TMEM132D: variants seen among roughly 807,000 people sequenced by gnomAD.
TMEM132D encodes the protein mature OL transmembrane protein.
A neutral mutation model predicts 62.3 loss-of-function variants in TMEM132D; 21 were observed. That is an observed-to-expected ratio of 0.34 (90% confidence interval 0.24 to 0.49). TMEM132D has a LOEUF of 0.49. Among genes scored for constraint, TMEM132D ranks in the 20% least tolerant of loss-of-function variants. TMEM132D has a pLI of 0.99. For synonymous variants in TMEM132D, 621 were observed against 575.6 expected (o/e 1.08, Z -1.13); for missense variants, 1,346 against 1,402.8 (o/e 0.96, Z 0.65).
chr12:129,484,136 AT>A (rs1220903961), intron 3 of TMEM132D, among the ~76,000 whole-genome samples: 1 of 151,874 alleles, frequency 6.6e-6, no homozygotes, highest in Non-Finnish European at 1.5e-5. Context: ...TACTTGGCTT[AT>A]TTTTGTATTT....
At chr12:129,834,879 G>T (rs987030366) in intron 1 of TMEM132D, among the ~76,000 whole-genome samples, 8 of 152,132 alleles carry the variant, frequency 5.3e-5, no homozygotes, top group Admixed American at 5.2e-4. Context: ...TGAGCTTTTT[G>T]GTATCTGAAC....
At chr12:129,150,467 G>A (rs1281894379) in intron 5 of TMEM132D, among the ~76,000 whole-genome samples, 1 of 152,176 alleles carries the variant, frequency 6.6e-6, no homozygotes, top group Non-Finnish European at 1.5e-5. Context: ...ATGATTTATG[G>A]TTTATTACTT....
At chr12:129,395,932 CTATA>C (rs1417432001) in intron 3 of TMEM132D, among the ~76,000 whole-genome samples, 1 of 143,990 alleles carries the variant, frequency 6.9e-6, no homozygotes, top group African/African-American at 2.6e-5. Context: ...TATACACATA[CTATA>C]TATAATGTAT....
chr12:129,688,356 G>A (rs947205248), intron 2 of TMEM132D, among the ~76,000 whole-genome samples: 4 of 152,132 alleles, frequency 2.6e-5, no homozygotes, highest in Non-Finnish European at 4.4e-5. Flanking sequence ...CTGCACATAA[G>A]AATCACTGCG....
chr12:129,463,108 C>T (rs757479405), intron 3 of TMEM132D, among the ~76,000 whole-genome samples: 3 of 152,188 alleles, frequency 2.0e-5, no homozygotes, highest in African/African-American at 4.8e-5. Context: ...TCAGATTGTT[C>T]TGGAGAAGAG....
chr12:129,170,846 T>G lies in TMEM132D; in HGVS notation c.1443+38674A>C, dbSNP rs187947284. ...TTATTGATAAAAATGCTAATGATAA[T>G]CTAAGCCATTAACAAGTCATAATCT... On this transcript the variant is annotated intron_variant, in intron 5 of 8. Transcript: ENST00000422113. Among the ~76,000 whole-genome samples the G allele has an allele frequency of 8.0e-4, 122 of 151,966 alleles. 2 individuals carry two copies. Among genetic ancestry groups the G allele is most frequent in the East Asian group, 9.7e-4 (5 of 5,174 alleles).
intron 3 of TMEM132D, among the ~76,000 whole-genome samples, chr12:129,394,912 A>G (rs920350074): frequency 1.3e-5 from 2 of 152,214 alleles, no homozygotes; most frequent in African/African-American, 4.8e-5. Context: ...GGCAATAGGT[A>G]CACTCCTCTG....
intron 5 of TMEM132D, among the ~76,000 whole-genome samples, chr12:129,168,814 T>G (rs985061781): frequency 4.6e-5 from 7 of 152,146 alleles, no homozygotes; most frequent in Admixed American, 4.6e-4. Context: ...GTCCCCTGGG[T>G]GGGGAATCAC....
chr12:129,309,475 G>A lies in TMEM132D; in HGVS notation c.1299+28159C>T, dbSNP rs1225638693. ...CTTTCTCTTTTATAATAATACACAA[G>A]GGAGTGGGTAAAATCCTTAGGAATA... is the stretch of plus-strand genomic sequence containing the variant. On this transcript the variant is annotated intron_variant, in intron 4 of 8. Transcript: ENST00000422113. 2.0e-5 allele frequency among the ~76,000 whole-genome samples: 3 copies of A among 152,242 alleles called. No homozygotes were observed. In the East Asian group the frequency reaches 5.8e-4, roughly 29 times the overall value.
intron 1 of TMEM132D, among the ~76,000 whole-genome samples, chr12:129,847,716 G>A (rs772593419): frequency 9.2e-5 from 14 of 152,038 alleles, no homozygotes; most frequent in Non-Finnish European, 1.8e-4. Context: ...CTGAGGTGAC[G>A]TTCTGCTAGT....
intron 2 of TMEM132D, among the ~76,000 whole-genome samples, chr12:129,539,057 G>C (rs533157764): frequency 6.6e-6 from 1 of 151,972 alleles, no homozygotes; most frequent in Non-Finnish European, 1.5e-5. Context: ...TCCATGGCTG[G>C]ATGTCAGGAA....
chr12:129,261,684 T>C (rs2135595685), intron 4 of TMEM132D, among the ~76,000 whole-genome samples: 1 of 152,312 alleles, frequency 6.6e-6, no homozygotes, highest in East Asian at 1.9e-4. Context: ...GAGGCCTCTC[T>C]CCTTGGCTTG....
intron 3 of TMEM132D, among the ~76,000 whole-genome samples, chr12:129,444,973 T>C (rs963046478): frequency 6.6e-6 from 1 of 152,194 alleles, no homozygotes; most frequent in African/African-American, 2.4e-5. Flanking sequence ...AGAAATCCCA[T>C]TACTAGGTAT....
intron 4 of TMEM132D, among the ~76,000 whole-genome samples, chr12:129,227,914 C>CA (rs1879526430): frequency 6.6e-6 from 1 of 152,178 alleles, no homozygotes; most frequent in Non-Finnish European, 1.5e-5. Context: ...CATGTCCCTA[C>CA]AAATGACTTG....
rs189166372 is a variant in TMEM132D at position 129,710,589 on chromosome 12, C to G, written c.80-9891G>C. Among the ~76,000 whole-genome samples the G allele has an allele frequency of 1.8e-3, 263 of 144,788 alleles. 2 individuals are homozygous for G. Among genetic ancestry groups the G allele is most frequent in the Non-Finnish European group, 3.1e-3 (211 of 67,670 alleles). 95.0% of individuals were successfully genotyped at this position (144,788 alleles called of 152,430 possible). A position where few individuals can be genotyped will look rare whatever the true frequency, so the allele number is the denominator to read the frequency against. On this transcript the variant is annotated intron_variant, in intron 1 of 8. Transcript: ENST00000422113. ...TGGGATTACAGGCATGAGCACCGTG[C>G]CCCGCCGATTATTTAATTGGAAAAA...
chr12:129,732,517 T>A (rs897400911), intron 1 of TMEM132D, among the ~76,000 whole-genome samples: 1 of 152,150 alleles, frequency 6.6e-6, no homozygotes, highest in African/African-American at 2.4e-5. Flanking sequence ...TAAAGTTAAA[T>A]GGCCAGATCT....
chr12:129,811,398 C>T (rs1387417028), intron 1 of TMEM132D, among the ~76,000 whole-genome samples: 1 of 151,644 alleles, frequency 6.6e-6, no homozygotes. Flanking sequence ...CTACCCAATG[C>T]TTGAAGTCCT....
intron 2 of TMEM132D, among the ~76,000 whole-genome samples, chr12:129,567,053 C>G (rs1424694043): frequency 6.6e-6 from 1 of 152,222 alleles, no homozygotes; most frequent in East Asian, 1.9e-4. Flanking sequence ...AGCTGGACTA[C>G]CTTGTTGACC....
chr12:129,588,738 C>CTTTTTTT (rs1187924454), intron 2 of TMEM132D, among the ~76,000 whole-genome samples: 2 of 38,734 alleles, frequency 5.2e-5, no homozygotes, highest in African/African-American at 9.8e-5. Flanking sequence ...CCACGCCCAG[C>CTTTTTTT]TATTTTTTTC....
Sources: gnomAD v4.1 joint callset for allele counts (sites outside exome capture counted in the v4.1 genomes callset) on GRCh38, gnomAD v4.1.1 for gene constraint, MANE v1.5 for transcripts, NCBI Gene and HGNC (gene_info 2026-07-23, HGNC 2026-07-21) for gene names.